Variants in APLP2 observed in about 807,000 individuals in gnomAD.
APLP2 encodes the protein CDEI box-binding protein.
A neutral mutation model predicts 89.9 loss-of-function variants in APLP2; 53 were observed. The observed-to-expected ratio is 0.59, with a 90% confidence interval of 0.47 to 0.74. The LOEUF is 0.74. APLP2 is among the 30% of genes least tolerant of loss of function. APLP2 has a pLI of 0.00. For synonymous variants in APLP2, 372 were observed against 348.6 expected (o/e 1.07, Z -0.75); for missense variants, 973 against 975.9 (o/e 1.00, Z 0.04).
chr11:130,136,400 C>T (rs1951608824), intron 13 of APLP2, among the ~76,000 whole-genome samples: 1 of 152,212 alleles, frequency 6.6e-6, no homozygotes, highest in Admixed American at 6.5e-5. Flanking sequence ...CGGATGCTCT[C>T]CATCCTCACA....
At chr11:130,070,137 G>A in intron 1 of APLP2, 55 bp downstream of exon 1, 1 of 1,206,996 alleles carries the variant, frequency 8.3e-7, no homozygotes, top group Non-Finnish European at 1.1e-6. Context: ...GGAGGAGCGC[G>A]GACTGCGGGC....
chr11:130,116,867 T>C (rs1440492507), intron 3 of APLP2, among the ~76,000 whole-genome samples: 1 of 152,118 alleles, frequency 6.6e-6, no homozygotes, highest in Non-Finnish European at 1.5e-5. Flanking sequence ...TGGTGGCTTA[T>C]GCCTGTAATC....
intron 1 of APLP2, among the ~76,000 whole-genome samples, chr11:130,093,836 C>G (rs922867693): frequency 6.7e-6 from 1 of 149,064 alleles, no homozygotes; most frequent in East Asian, 2.0e-4. Flanking sequence ...CTCCGCCTCC[C>G]TGGTTCAAGC....
At chr11:130,089,534 T>A (rs1379492878) in intron 1 of APLP2, among the ~76,000 whole-genome samples, 1 of 152,224 alleles carries the variant, frequency 6.6e-6, no homozygotes, top group East Asian at 1.9e-4. Context: ...TTTCTCTACA[T>A]CTGGATCCTG....
chr11:130,100,038 C>T (rs1946701325), intron 1 of APLP2, among the ~76,000 whole-genome samples: 1 of 152,228 alleles, frequency 6.6e-6, no homozygotes, highest in Admixed American at 6.5e-5. Context: ...TTGAAGAGCG[C>T]TTCTATGTGA....
intron 1 of APLP2, among the ~76,000 whole-genome samples, chr11:130,105,818 C>G (rs1242115292): frequency 6.6e-6 from 1 of 151,774 alleles, no homozygotes; most frequent in African/African-American, 2.4e-5. Flanking sequence ...GTTCTCCTGC[C>G]TCAGCCTCCT....
At chr11:130,084,114 C>T (rs545492650) in intron 1 of APLP2, among the ~76,000 whole-genome samples, 3 of 152,120 alleles carry the variant, frequency 2.0e-5, no homozygotes, top group East Asian at 1.9e-4. Context: ...GGCGTGGTGG[C>T]GGGTGCCTGT....
intron 1 of APLP2, among the ~76,000 whole-genome samples, chr11:130,105,701 C>CTTTTT (rs765278847): frequency 5.9e-5 from 7 of 118,186 alleles, no homozygotes; most frequent in African/African-American, 1.0e-4. Context: ...TTTCTGTCTG[C>CTTTTT]TTTTTTTTTT....
intron 10 of APLP2, 81 bp downstream of exon 10, chr11:130,129,287 G>A (rs1468326295): frequency 4.1e-6 from 6 of 1,467,352 alleles, no homozygotes; most frequent in Admixed American, 4.7e-5. Flanking sequence ...CAGTAAAAGT[G>A]ACATTTGTAT....
chr11:130,080,965 A>G (rs1049593743), intron 1 of APLP2, among the ~76,000 whole-genome samples: 4 of 151,884 alleles, frequency 2.6e-5, no homozygotes, highest in Admixed American at 2.6e-4. Context: ...CTGGGATTAC[A>G]GGCGTGAGCC....
At chr11:130,112,371 G>A (rs1038180052) in intron 3 of APLP2, among the ~76,000 whole-genome samples, 22 of 152,158 alleles carry the variant, frequency 1.4e-4, no homozygotes, top group Admixed American at 1.4e-3. Context: ...AAGAAATGAG[G>A]GTGATGGTGT....
intron 1 of APLP2, chr11:130,101,905 T>G (rs1946983637): frequency 6.6e-6 from 3 of 454,924 alleles, no homozygotes; most frequent in Middle Eastern, 3.3e-4. Context: ...TGCATTGCAT[T>G]TACTTGTCAT....
At chr11:130,091,551 C>G (rs1945212111) in intron 1 of APLP2, among the ~76,000 whole-genome samples, 1 of 144,302 alleles carries the variant, frequency 6.9e-6, no homozygotes, top group African/African-American at 2.6e-5. Context: ...GGCTGACCCC[C>G]CCACCTCCCT....
Position 130,070,977 on chromosome 11 carries a change from C to T in APLP2, c.105+895C>T, listed in dbSNP as rs537233450. ...GCGGGGTCCGCGGTGCGGGCCGGAG[C>T]GGGCAGCCTTGGAGGAGCCCTGCTG... On this transcript the variant is annotated intron_variant, in intron 1 of 16. Transcript: ENST00000338167. Among the ~76,000 whole-genome samples, 258 of 152,298 alleles carry T rather than the reference C, an allele frequency of 1.7e-3. 2 individuals carry two copies. Among genetic ancestry groups the T allele is most frequent in the African/African-American group, 5.7e-3 (236 of 41,580 alleles).
At chr11:130,100,879 A>G (rs1389020893) in intron 1 of APLP2, among the ~76,000 whole-genome samples, 1 of 152,228 alleles carries the variant, frequency 6.6e-6, no homozygotes, top group African/African-American at 2.4e-5. Flanking sequence ...CATTCATGTA[A>G]TGCAAACTCT....
chr11:130,089,444 G>A (rs908122798), intron 1 of APLP2, among the ~76,000 whole-genome samples: 5 of 152,180 alleles, frequency 3.3e-5, no homozygotes, highest in African/African-American at 1.2e-4. Flanking sequence ...CTCTGTTACA[G>A]CTCTTCTCAG....
rs189857888 is a variant in APLP2, at chr11:130,081,568, A to G, written c.105+11486A>G. Among the ~76,000 whole-genome samples the G allele has an allele frequency of 5.9e-5, 9 of 152,328 alleles. No homozygotes were observed. In the East Asian group the frequency reaches 1.7e-3, roughly 29 times the overall value. On this transcript the variant is annotated intron_variant, in intron 1 of 16. Coordinates refer to ENST00000338167, the MANE Select transcript of APLP2 (RefSeq NM_001142276.2). ...CTTATATAAATGCTCAGTGGGTTCA[A>G]TTATGTGGAAAAAAATTAAGGAATG...
chr11:130,089,292 C>T (rs58664404), intron 1 of APLP2, among the ~76,000 whole-genome samples: 15,379 of 152,184 alleles, frequency 0.1, 1,188 homozygotes, highest in African/African-American at 0.21. Context: ...TGATCACACC[C>T]TCCTACCTTC....
Position 130,143,848 on chromosome 11 carries a change from A to G in APLP2, c.*400A>G, listed in dbSNP as rs770193416. ...CGTTCCGGTTATGTTGTGTAAGTCA[A>G]CTCTTCAGCCTCATTCACTGTCCTG... On this transcript the variant is annotated 3_prime_UTR_variant, in exon 17 of 17. Transcript: ENST00000338167. 2.8e-4 allele frequency: 49 copies of G among 174,176 alleles called. No individual in the cohort carries two copies. Among genetic ancestry groups the G allele is most frequent in the Non-Finnish European group, 5.3e-4 (43 of 80,976 alleles). The allele number at this position is 174,176 out of a possible 1,614,324, so 10.8% of individuals were successfully genotyped here.
Sources: gnomAD v4.1 joint callset for allele counts (sites outside exome capture counted in the v4.1 genomes callset) on GRCh38, gnomAD v4.1.1 for gene constraint, MANE v1.5 for transcripts, NCBI Gene and HGNC (gene_info 2026-07-23, HGNC 2026-07-21) for gene names.